RECK: variants seen among roughly 807,000 people sequenced by gnomAD.
The protein encoded by RECK is reversion-inducing cysteine-rich protein with Kazal motifs.
Under a neutral mutation model 115.1 loss-of-function variants are expected in RECK, and 69 were observed. The observed-to-expected ratio is 0.60, with a 90% CI of 0.49 to 0.73. RECK has a LOEUF of 0.73. Among genes scored for constraint, RECK ranks in the 30% least tolerant of loss-of-function variants. The pLI is 0.00. For missense variants in RECK, 1,047 were observed against 1,203.7 expected (o/e 0.87, Z 1.93); for synonymous variants, 414 against 419.7 (o/e 0.99, Z 0.17).
Position 36,037,097 on chromosome 9 carries a change from G to A in RECK, c.99G>A (p.Ala33=), listed in dbSNP as rs1032693049. Residue 33 remains alanine, a splice_region_variant and synonymous_variant, in exon 1 of 21, where the codon GCG becomes GCA. Transcript: ENST00000377966. ...CAGGGGGCCTGGCTCCGGGCAGTGC[G>A]GGTGAGTAACCTCCAGAGCAACGGT... ...EVAGGLAPGS[A]GALCCNHSKD... is the part of the protein sequence containing the mutation. 3 of 1,332,098 alleles carry A rather than the reference G, an allele frequency of 2.3e-6. No homozygotes were observed. The highest frequency in any genetic ancestry group is 3.1e-5 in the African/African-American group (2 of 64,782). The allele number at this position is 1,332,098 out of a possible 1,614,324, so 82.5% of individuals were successfully genotyped here.
chr9:36,091,392 T>C (rs768155414), intron 10 of RECK, 49 bp downstream of exon 10: 1 of 1,291,880 alleles, frequency 7.7e-7, no homozygotes, highest in Admixed American at 2.6e-5. Flanking sequence ...TCATTAATTA[T>C]AAATAAGTGA....
chr9:36,101,714 A>G (rs983980704), intron 11 of RECK, among the ~76,000 whole-genome samples: 23 of 151,906 alleles, frequency 1.5e-4, no homozygotes, highest in Non-Finnish European at 3.4e-4. Flanking sequence ...GACTTAGATA[A>G]GGAAGGGAAG....
At chr9:36,048,851 T>C (rs752485380) in intron 1 of RECK, among the ~76,000 whole-genome samples, 1 of 152,166 alleles carries the variant, frequency 6.6e-6, no homozygotes, top group Non-Finnish European at 1.5e-5. Context: ...AATCAGCATC[T>C]ACCCCGCAAG....
chr9:36,117,369 G>A (rs936215284), intron 17 of RECK, among the ~76,000 whole-genome samples, 192 bp downstream of exon 17: 1 of 152,178 alleles, frequency 6.6e-6, no homozygotes, highest in Non-Finnish European at 1.5e-5. Flanking sequence ...GCTAGTGTGT[G>A]TACCTTTGCA....
chr9:36,041,138 C>T (rs1418070961), intron 1 of RECK, among the ~76,000 whole-genome samples: 2 of 152,068 alleles, frequency 1.3e-5, no homozygotes, highest in Non-Finnish European at 2.9e-5. Flanking sequence ...ACAGGAAATT[C>T]ACCCCAAAAT....
At position 36,119,702 on chromosome 9, in the gene RECK, C is replaced by T. The variant is rs1824386227; in HGVS notation, c.2464+735C>T. The stretch of plus-strand genomic sequence containing the variant: ...TGAGAAAAACAAAGCCCTTTTCCTT[C>T]TGGAGACCATGTTCTGAGGGAGGTG... On this transcript the variant is annotated intron_variant, in intron 18 of 20. Coordinates refer to ENST00000377966, the MANE Select transcript of RECK (RefSeq NM_021111.3). Among the ~76,000 whole-genome samples, 6 of 152,300 alleles carry T rather than the reference C, an allele frequency of 3.9e-5. No individual in the cohort carries two copies. In the South Asian group the frequency reaches 1.2e-3, roughly 32 times the overall value.
intron 16 of RECK, among the ~76,000 whole-genome samples, chr9:36,114,877 A>C (rs1036236294): frequency 6.6e-6 from 1 of 151,940 alleles, no homozygotes; most frequent in African/African-American, 2.4e-5. Flanking sequence ...AAAACACTAA[A>C]AGAAAGAAAT....
At chr9:36,121,203 C>T (rs1056256517) in intron 19 of RECK, among the ~76,000 whole-genome samples, 3 of 152,232 alleles carry the variant, frequency 2.0e-5, no homozygotes, top group African/African-American at 7.2e-5. Flanking sequence ...TTGCACCCAA[C>T]ACTTGCCACA....
At chr9:36,088,647 G>T (rs532231792) in intron 9 of RECK, among the ~76,000 whole-genome samples, 1 of 152,302 alleles carries the variant, frequency 6.6e-6, no homozygotes, top group African/African-American at 2.4e-5. Context: ...TAAATTGGAT[G>T]GACCTTTAGC....
intron 12 of RECK, among the ~76,000 whole-genome samples, chr9:36,104,848 T>G (rs1823738767): frequency 6.6e-6 from 1 of 152,214 alleles, no homozygotes; most frequent in South Asian, 2.1e-4. Flanking sequence ...CTACTAGATG[T>G]AAACTCTATG....
chr9:36,105,397 C>A (rs547181880), intron 13 of RECK, 114 bp downstream of exon 13: 12 of 983,926 alleles, frequency 1.2e-5, no homozygotes, highest in Non-Finnish European at 1.8e-5. Context: ...GGGTTATCTT[C>A]GGAGTGAGAT....
At chr9:36,045,493 GCA>G (rs956389619) in intron 1 of RECK, among the ~76,000 whole-genome samples, 4 of 151,176 alleles carry the variant, frequency 2.6e-5, no homozygotes, top group Non-Finnish European at 5.9e-5. Flanking sequence ...CAATGCACGT[GCA>G]CACACACACA....
chr9:36,103,110 C>T (rs1013363355), intron 12 of RECK, among the ~76,000 whole-genome samples: 2 of 152,134 alleles, frequency 1.3e-5, no homozygotes, highest in African/African-American at 2.4e-5. Context: ...AGCTTCTTGG[C>T]AGTGAGACCC....
intron 10 of RECK, among the ~76,000 whole-genome samples, chr9:36,092,719 C>T (rs1564124760): frequency 6.6e-6 from 1 of 151,854 alleles, no homozygotes; most frequent in Non-Finnish European, 1.5e-5. Flanking sequence ...AGAAACCACA[C>T]TGAGCGAAAG....
At chr9:36,114,022 C>T (rs117695040) in intron 16 of RECK, among the ~76,000 whole-genome samples, 1 of 152,278 alleles carries the variant, frequency 6.6e-6, no homozygotes, top group East Asian at 1.9e-4. Flanking sequence ...GGGATCCTTC[C>T]ATATAGTGAC....
At chr9:36,083,285 T>C in intron 7 of RECK, 80 bp from the exon 8 acceptor site, 3 of 1,385,300 alleles carry the variant, frequency 2.2e-6, no homozygotes, top group Non-Finnish European at 2.0e-6. Flanking sequence ...GAAAGACATA[T>C]TGTTCCATCA....
At chr9:36,117,988 GA>G (rs1824325110) in intron 17 of RECK, among the ~76,000 whole-genome samples, 1 of 152,010 alleles carries the variant, frequency 6.6e-6, no homozygotes, top group Non-Finnish European at 1.5e-5. Flanking sequence ...TAAAAAAAAA[GA>G]AAAAACCAAG....
Position 36,087,824 on chromosome 9 carries a change from T to C in RECK, c.768T>C (p.Pro256=). The change falls in exon 9 of 21, where the codon CCT becomes CCC. Residue 256 remains proline, a synonymous_variant. Coordinates refer to ENST00000377966, the MANE Select transcript of RECK (RefSeq NM_021111.3). ...AGGGTTGTAAGACCCAGCCCTTGCCTCAAGATCCTCTTTGGCAATGTTTTC... is the reference window on the plus strand; with the variant it reads ...AGGGTTGTAAGACCCAGCCCTTGCCCCAAGATCCTCTTTGGCAATGTTTTC... ...LIEGCKTQPL[P]QDPLWQCFLE... 1 of 1,614,026 alleles carries C rather than the reference T, an allele frequency of 6.2e-7. No individual in the cohort carries two copies. Among genetic ancestry groups the C allele is most frequent in the Non-Finnish European group, 8.5e-7 (1 of 1,179,936 alleles).
chr9:36,065,583 T>C lies in RECK; in HGVS notation c.364T>C (p.Ser122Pro), dbSNP rs1821961620. 1 of 1,586,344 alleles carries C rather than the reference T, an allele frequency of 6.3e-7. No homozygotes were observed. Among genetic ancestry groups the C allele is most frequent in the Non-Finnish European group, 8.6e-7 (1 of 1,168,700 alleles). The change falls in exon 6 of 21, where the codon TCA becomes CCA. Residue 122 changes from serine to proline, a missense_variant. By Grantham distance (74) the Ser-to-Pro change is moderately conservative (BLOSUM62 -1). Coordinates refer to ENST00000377966, the MANE Select transcript of RECK (RefSeq NM_021111.3). ...GAAATTTGTTGGTTTTTAGGCATCT[T>C]CAAAGAATGATATTTCCAAAGTTTG... is the stretch of plus-strand genomic sequence containing the variant. The part of the protein sequence containing the change: ...ECRQACKQAS[S>P]KNDISKVCRK...
Sources: allele counts gnomAD v4.1 joint callset (sites outside exome capture counted in the v4.1 genomes callset), GRCh38; gene constraint gnomAD v4.1.1; transcripts MANE v1.5; gene names NCBI Gene and HGNC (gene_info 2026-07-23, HGNC 2026-07-21).